PRAG1: variants seen among roughly 807,000 people sequenced by gnomAD.
The protein encoded by PRAG1 is PEAK1 related, kinase-activating pseudokinase 1, also known as inactive tyrosine-protein kinase PRAG1.
A neutral mutation model predicts 95.6 loss-of-function variants in PRAG1; 110 were observed. The ratio of observed to expected loss-of-function variants is 1.15; its 90% CI spans 0.99 to 1.35. The LOEUF is 1.35. PRAG1 is among the 40% of genes most tolerant of loss of function. The pLI is 0.00. For synonymous variants in PRAG1, 1,052 were observed against 819.4 expected (o/e 1.28, Z -4.85); for missense variants, 2,554 against 1,864.7 (o/e 1.37, Z -6.81).
intron 3 of PRAG1, 111 bp downstream of exon 3, chr8:8,376,136 C>G: frequency 6.9e-7 from 1 of 1,445,542 alleles, no homozygotes; most frequent in Non-Finnish European, 9.3e-7. Flanking sequence ...GCACAAGGGC[C>G]TTTGGGCAGA....
Position 8,318,865 on chromosome 8 carries a change from CGGG to C in PRAG1, c.3507_3509del (p.Pro1170del). The C allele has an allele frequency of 1.0e-6, 1 of 998,742 alleles. No homozygotes were observed. The highest frequency in any genetic ancestry group is 3.2e-5 in the South Asian group (1 of 31,298). 61.9% of individuals were successfully genotyped at this position (998,742 alleles called of 1,614,324 possible). A position where few individuals can be genotyped will look rare whatever the true frequency, so the allele number is the denominator to read the frequency against. On this transcript the variant is annotated inframe_deletion, in exon 6 of 6. Transcript: ENST00000615670. The surrounding 1 kb of genome is among the most constrained non-coding windows in gnomAD (Gnocchi z 4.2). ...GCGCGGCGGCGGCGGGGGCGGGAGC[CGGG>C]GCGGGGGCGGGGGCGGGCCCGGGGC... is the stretch of plus-strand genomic sequence containing the variant.
chr8:8,374,309 G>C (rs1800308811), intron 3 of PRAG1, among the ~76,000 whole-genome samples: 1 of 152,228 alleles, frequency 6.6e-6, no homozygotes, highest in African/African-American at 2.4e-5. Flanking sequence ...GAGGGAATAG[G>C]AACTTGGTTT....
intron 5 of PRAG1, 66 bp from the exon 6 acceptor site, chr8:8,319,368 A>C: frequency 7.2e-7 from 1 of 1,381,536 alleles, no homozygotes; most frequent in Admixed American, 2.4e-5. Flanking sequence ...AAGAGTGTGG[A>C]AACATTTGAG....
chr8:8,332,681 G>C (rs1280811122), intron 4 of PRAG1, among the ~76,000 whole-genome samples: 2 of 128,232 alleles, frequency 1.6e-5, no homozygotes, highest in African/African-American at 6.0e-5. Context: ...TAGTTTCTCA[G>C]GTGTTAATAC....
chr8:8,361,375 G>A (rs894284776), intron 3 of PRAG1, among the ~76,000 whole-genome samples: 1 of 152,190 alleles, frequency 6.6e-6, no homozygotes, highest in Non-Finnish European at 1.5e-5. Context: ...ACATGGAAGG[G>A]CCTGGAGCAG....
chr8:8,373,676 G>C (rs2945851), intron 3 of PRAG1, among the ~76,000 whole-genome samples: 29,537 of 151,838 alleles, frequency 0.19, 3,391 homozygotes, highest in Middle Eastern at 0.33. Flanking sequence ...TGGTCTCAAA[G>C]TCCTGGGCTC....
At position 8,339,483 on chromosome 8, in the gene PRAG1, T is replaced by C. The variant is rs986267539; in HGVS notation, c.2315A>G (p.Asp772Gly). The C allele has an allele frequency of 6.2e-7, 1 of 1,613,844 alleles. No homozygotes were observed. The highest frequency in any genetic ancestry group is 8.5e-7 in the Non-Finnish European group (1 of 1,179,830). The stretch of plus-strand genomic sequence containing the variant: ...GTCAATGTCAAGTTTGTTACCTCCA[T>C]CGCTGCAGGTCCTAGAGTCTGAGGC... ...SLASDSRTCS[D>G]GGPSSELAHS... The change falls in exon 4 of 6, where the codon GAT becomes GGT. Residue 772 changes from aspartate (D) to glycine (G), a missense_variant. Transcript: ENST00000615670.
intron 3 of PRAG1, among the ~76,000 whole-genome samples, chr8:8,345,772 G>A (rs1294960293): frequency 6.6e-6 from 1 of 152,182 alleles, no homozygotes; most frequent in Non-Finnish European, 1.5e-5. Flanking sequence ...TCCAGCCTGG[G>A]TGACAGAGCG....
At chr8:8,386,162 G>A (rs1199956080) in intron 1 of PRAG1, among the ~76,000 whole-genome samples, 159 bp downstream of exon 1, 1 of 152,102 alleles carries the variant, frequency 6.6e-6, no homozygotes, top group Admixed American at 6.5e-5. Context: ...GCACCACCCG[G>A]GGCTCACGCG....
chr8:8,341,357 T>G (rs895975480), intron 3 of PRAG1, among the ~76,000 whole-genome samples: 1 of 152,180 alleles, frequency 6.6e-6, no homozygotes, highest in African/African-American at 2.4e-5. Flanking sequence ...CATACTTACT[T>G]AAAGTAACAG....
intron 5 of PRAG1, among the ~76,000 whole-genome samples, chr8:8,325,985 T>G (rs1260936804): frequency 6.6e-6 from 1 of 150,440 alleles, no homozygotes; most frequent in Non-Finnish European, 1.5e-5. Context: ...TGCAGAAGGG[T>G]CACCTCACTT....
Position 8,381,487 on chromosome 8 carries a change from C to T in PRAG1, c.261G>A (p.Lys87=), listed in dbSNP as rs1386018423. Residue 87 remains lysine, a synonymous_variant, in exon 2 of 6, where the codon AAG becomes AAA. Coordinates refer to ENST00000615670, the MANE Select transcript of PRAG1 (RefSeq NM_001080826.3). ...SPYSKPTIAV[K]PTMMSSEASD... The stretch of plus-strand genomic sequence containing the variant: ...AGGCCTCGGAGCTCATCATGGTGGG[C>T]TTCACGGCAATTGTGGGCTTGGAGT... 6 of 1,614,240 alleles carry T rather than the reference C, an allele frequency of 3.7e-6. No homozygotes were observed. Among genetic ancestry groups the T allele is most frequent in the Non-Finnish European group, 5.1e-6 (6 of 1,180,044 alleles).
intron 5 of PRAG1, among the ~76,000 whole-genome samples, chr8:8,321,918 C>G (rs191226124): frequency 5.3e-5 from 8 of 152,308 alleles, no homozygotes; most frequent in African/African-American, 1.9e-4. Context: ...AACCTCTGGT[C>G]ACAATATTTT....
At chr8:8,380,121 C>A (rs1800582877) in intron 2 of PRAG1, among the ~76,000 whole-genome samples, 1 of 151,532 alleles carries the variant, frequency 6.6e-6, no homozygotes, top group Admixed American at 6.6e-5. Flanking sequence ...CAAAAAAACG[C>A]CAAATAAGCC....
intron 3 of PRAG1, among the ~76,000 whole-genome samples, chr8:8,361,297 G>A (rs1585258165): frequency 6.6e-6 from 1 of 152,166 alleles, no homozygotes; most frequent in Non-Finnish European, 1.5e-5. Context: ...TTTCTTTAAG[G>A]AAGGATATTT....
chr8:8,363,934 T>C (rs1348945346), intron 3 of PRAG1, among the ~76,000 whole-genome samples: 3 of 152,224 alleles, frequency 2.0e-5, no homozygotes, highest in Non-Finnish European at 4.4e-5. Flanking sequence ...TCTAGTTCAT[T>C]GCTTCTGACT....
At chr8:8,385,931 C>T (rs13438847) in intron 1 of PRAG1, among the ~76,000 whole-genome samples, 35 of 152,090 alleles carry the variant, frequency 2.3e-4, no homozygotes, top group Admixed American at 2.2e-3. Context: ...TTCCGTCTCT[C>T]CCCCTTGACA....
At chr8:8,325,733 A>AC (rs2117109738) in intron 5 of PRAG1, among the ~76,000 whole-genome samples, 1 of 151,898 alleles carries the variant, frequency 6.6e-6, no homozygotes, top group African/African-American at 2.4e-5. Context: ...ATATGGGGAA[A>AC]CCCCATCTCT....
At chr8:8,342,362 A>T (rs1360055473) in intron 3 of PRAG1, among the ~76,000 whole-genome samples, 2 of 151,160 alleles carry the variant, frequency 1.3e-5, no homozygotes, top group East Asian at 4.0e-4. Context: ...CGCCCCGCTA[A>T]TTTTTTTGTA....
Sources: allele counts gnomAD v4.1 joint callset (sites outside exome capture counted in the v4.1 genomes callset), GRCh38; gene constraint gnomAD v4.1.1; non-coding constraint Gnocchi (gnomAD v3.1); transcripts MANE v1.5; gene names NCBI Gene and HGNC (gene_info 2026-07-23, HGNC 2026-07-21).